ABCC4: variants seen among roughly 807,000 people sequenced by gnomAD.
The protein encoded by ABCC4 is ATP-binding cassette sub-family C member 4.
Under a neutral mutation model 168.5 loss-of-function variants are expected in ABCC4, and 102 were observed. That is an observed-to-expected ratio of 0.61 (90% CI 0.52 to 0.71). ABCC4 has a LOEUF of 0.71. Ranked by LOEUF, ABCC4 falls within the 30% of genes least tolerant of loss-of-function variation. The pLI is 0.00. For missense variants in ABCC4, 1,402 were observed against 1,605.8 expected (o/e 0.87, Z 2.17); for synonymous variants, 617 against 590.7 (o/e 1.04, Z -0.65).
intron 3 of ABCC4, among the ~76,000 whole-genome samples, chr13:95,242,533 C>CT (rs1310217032): frequency 1.3e-5 from 2 of 150,182 alleles, no homozygotes; most frequent in East Asian, 4.0e-4. Context: ...GCCTAATTTT[C>CT]TTTTTTAGAG....
intron 8 of ABCC4, among the ~76,000 whole-genome samples, chr13:95,204,417 G>C (rs1435932423): frequency 6.6e-6 from 1 of 150,882 alleles, no homozygotes; most frequent in Non-Finnish European, 1.5e-5. Context: ...GTGGGACCAG[G>C]TGGAGGTAAT....
chr13:95,240,584 G>A (rs2039913007), intron 3 of ABCC4, among the ~76,000 whole-genome samples: 1 of 151,780 alleles, frequency 6.6e-6, no homozygotes. Context: ...AGAGGGGGCA[G>A]TGAGCAGGGC....
intron 1 of ABCC4, among the ~76,000 whole-genome samples, chr13:95,268,315 C>T (rs768367724): frequency 3.9e-5 from 6 of 152,222 alleles, no homozygotes; most frequent in East Asian, 3.9e-4. Context: ...CAAAACAGTG[C>T]GAAGGCTGCA....
At chr13:95,298,110 G>A (rs1740785659) in intron 1 of ABCC4, among the ~76,000 whole-genome samples, 1 of 152,038 alleles carries the variant, frequency 6.6e-6, no homozygotes, top group East Asian at 1.9e-4. Context: ...CCAACATGGT[G>A]CAACCCCATC....
At chr13:95,029,981 G>GTCTA (rs778840317) in intron 30 of ABCC4, among the ~76,000 whole-genome samples, 5,627 of 109,136 alleles carry the variant, frequency 0.052, 137 homozygotes, top group African/African-American at 0.067. Context: ...AGGACTTCTT[G>GTCTA]TCTATCTATC....
intron 20 of ABCC4, among the ~76,000 whole-genome samples, chr13:95,110,101 G>A (rs1023945904): frequency 6.6e-6 from 1 of 152,104 alleles, no homozygotes; most frequent in African/African-American, 2.4e-5. Context: ...TTGAGGTCAG[G>A]AGTTCCAGAC....
intron 13 of ABCC4, among the ~76,000 whole-genome samples, chr13:95,175,123 G>A (rs552199048): frequency 6.6e-6 from 1 of 151,982 alleles, no homozygotes; most frequent in Non-Finnish European, 1.5e-5. Context: ...ATGCTCAGTG[G>A]ATGACTTCAT....
chr13:95,119,867 C>T (rs763753881), intron 19 of ABCC4, among the ~76,000 whole-genome samples: 6 of 152,206 alleles, frequency 3.9e-5, no homozygotes, highest in Non-Finnish European at 8.8e-5. Context: ...CTGAGTGATG[C>T]AGTCATTACC....
chr13:95,137,996 C>CG (rs1555318903), intron 19 of ABCC4, among the ~76,000 whole-genome samples: 7 of 151,790 alleles, frequency 4.6e-5, no homozygotes, highest in Non-Finnish European at 4.4e-5. Flanking sequence ...GGCGGTGGGG[C>CG]GGGGGGAACC....
chr13:95,021,367 T>TA lies in ABCC4; in HGVS notation c.*207dup, dbSNP rs1401631799. 15 of 491,038 alleles carry TA rather than the reference T, an allele frequency of 3.1e-5. No individual in the cohort carries two copies. Among genetic ancestry groups the TA allele is most frequent in the Non-Finnish European group, 5.0e-5 (14 of 279,468 alleles). 30.4% of individuals were successfully genotyped at this position (491,038 alleles called of 1,614,324 possible). On this transcript the variant is annotated 3_prime_UTR_variant, in exon 31 of 31. Coordinates refer to ENST00000645237, the MANE Select transcript of ABCC4 (RefSeq NM_005845.5). ...TGGCCTGCACCTCTGATTTGGATTT[T>TA]AAAAAACAACTATTGACATTTAAAT...
chr13:95,110,990 A>G (rs1484724505), intron 20 of ABCC4, among the ~76,000 whole-genome samples: 25 of 151,810 alleles, frequency 1.6e-4, no homozygotes, highest in East Asian at 3.9e-4. Context: ...AGAAAGAAAA[A>G]AAAAAAAAAA....
intron 1 of ABCC4, among the ~76,000 whole-genome samples, chr13:95,295,962 CA>C (rs59341854): frequency 0.35 from 39,829 of 113,898 alleles, 7,606 homozygotes; most frequent in African/African-American, 0.59. Flanking sequence ...GAGACTCCGT[CA>C]AAAAAAAAAA....
chr13:95,274,238 CT>C (rs1181831248), intron 1 of ABCC4, among the ~76,000 whole-genome samples: 2 of 152,146 alleles, frequency 1.3e-5, no homozygotes, highest in East Asian at 3.9e-4. Context: ...GGCCTTTGTA[CT>C]GTTTATATTT....
At chr13:95,262,550 C>T (rs552653631) in intron 1 of ABCC4, among the ~76,000 whole-genome samples, 22 of 152,118 alleles carry the variant, frequency 1.4e-4, no homozygotes, top group African/African-American at 5.1e-4. Context: ...CAGTCCTTCA[C>T]GGACATGCAC....
intron 20 of ABCC4, chr13:95,096,008 AAAACAAATGAAAATTCTAT>A (rs1380510296): frequency 9.9e-6 from 4 of 405,650 alleles, no homozygotes; most frequent in Non-Finnish European, 1.7e-5. Flanking sequence ...GTATAAGAGC[AAAACAAATGAAAATTCTAT>A]AAACAAAAAT....
chr13:95,046,418 G>A (rs2032581983), intron 27 of ABCC4, among the ~76,000 whole-genome samples: 2 of 152,284 alleles, frequency 1.3e-5, no homozygotes, highest in African/African-American at 2.4e-5. Context: ...CCAGATAACA[G>A]TGTCTTCTGA....
intron 20 of ABCC4, among the ~76,000 whole-genome samples, chr13:95,106,626 T>G (rs1028158702): frequency 6.6e-6 from 1 of 152,070 alleles, no homozygotes; most frequent in African/African-American, 2.4e-5. Context: ...CCAGTATATC[T>G]ACATTTTACA....
intron 14 of ABCC4, among the ~76,000 whole-genome samples, chr13:95,167,302 C>A (rs1470219184): frequency 6.6e-6 from 1 of 152,160 alleles, no homozygotes; most frequent in Non-Finnish European, 1.5e-5. Context: ...TCTCTCCTTA[C>A]AAAGTCATAG....
At chr13:95,252,580 CAGG>C (rs2040293008) in intron 1 of ABCC4, among the ~76,000 whole-genome samples, 1 of 152,164 alleles carries the variant, frequency 6.6e-6, no homozygotes, top group Non-Finnish European at 1.5e-5. Context: ...GAGGCTGAGG[CAGG>C]AGAATTGCTT....
Sources: allele counts gnomAD v4.1 joint callset (sites outside exome capture counted in the v4.1 genomes callset), GRCh38; gene constraint gnomAD v4.1.1; transcripts MANE v1.5; gene names NCBI Gene and HGNC (gene_info 2026-07-23, HGNC 2026-07-21).